Variants in ATP2B2 observed in about 807,000 individuals in gnomAD.
ATP2B2 encodes the protein ATPase plasma membrane Ca2+ transporting 2.
A neutral mutation model predicts 120.0 loss-of-function variants in ATP2B2; 15 were observed. The ratio of observed to expected loss-of-function variants is 0.12; its 90% CI spans 0.08 to 0.19. ATP2B2 has a LOEUF of 0.19. Ranked by LOEUF, ATP2B2 falls within the 10% of genes least tolerant of loss-of-function variation. The pLI is 1.00. For synonymous variants in ATP2B2, 694 were observed against 700.3 expected (o/e 0.99, Z 0.14); for missense variants, 1,045 against 1,719.8 (o/e 0.61, Z 6.94).
chr3:10,639,786 G>A (rs2070121511), intron 1 of ATP2B2, among the ~76,000 whole-genome samples: 1 of 152,194 alleles, frequency 6.6e-6, no homozygotes, highest in African/African-American at 2.4e-5. Flanking sequence ...AAGGGGGTGA[G>A]GAAGAAATGC....
intron 2 of ATP2B2, among the ~76,000 whole-genome samples, chr3:10,586,314 C>T (rs908223095): frequency 1.3e-5 from 2 of 152,124 alleles, no homozygotes; most frequent in Non-Finnish European, 2.9e-5. Flanking sequence ...GGAAGGGGAC[C>T]CTGCCAGCAC....
At chr3:10,507,510 G>A (rs1307537704), upstream of ATP2B2, among the ~76,000 whole-genome samples, 1 of 152,172 alleles carries the variant, frequency 6.6e-6, no homozygotes, top group African/African-American at 2.4e-5. Context: ...ATGTTGGAGC[G>A]AGGGTGGGCA....
At chr3:10,332,007 C>CTGAA in intron 22 of ATP2B2, 2 of 1,550,494 alleles carry the variant, frequency 1.3e-6, no homozygotes, top group Non-Finnish European at 1.7e-6. Flanking sequence ...CTCTCTCTTG[C>CTGAA]TGAACTCTGT....
At position 10,616,982 on chromosome 3, in the gene ATP2B2, A is replaced by G. The variant is rs543513552; in HGVS notation, c.-415+2935T>C. Reference sequence around the variant, plus strand: ...CTTTTCACTTAATACTGAAATGTGAACATTTTCTCCTCCATTATTAAAAAT... The same window carrying G: ...CTTTTCACTTAATACTGAAATGTGAGCATTTTCTCCTCCATTATTAAAAAT... On this transcript the variant is annotated intron_variant, in intron 2 of 21. Transcript: ENST00000646379. Among the ~76,000 whole-genome samples, 11 of 152,322 alleles carry G rather than the reference A, an allele frequency of 7.2e-5. No individual in the cohort carries two copies. In the South Asian group the frequency reaches 2.1e-3, roughly 29 times the overall value.
intron 1 of ATP2B2, among the ~76,000 whole-genome samples, chr3:10,650,613 C>T (rs761772045): frequency 6.6e-6 from 1 of 152,212 alleles, no homozygotes; most frequent in Non-Finnish European, 1.5e-5. Flanking sequence ...ATCTCCAGGA[C>T]ATGTTGGAGG....
At chr3:10,690,278 G>A (rs1251945524) in intron 1 of ATP2B2, among the ~76,000 whole-genome samples, 1 of 152,142 alleles carries the variant, frequency 6.6e-6, no homozygotes, top group Admixed American at 6.5e-5. Flanking sequence ...TCCACTGCGC[G>A]GGCAGCCATT....
intron 2 of ATP2B2, among the ~76,000 whole-genome samples, chr3:10,537,196 T>C (rs183368914): frequency 6.6e-6 from 1 of 152,360 alleles, no homozygotes; most frequent in Non-Finnish European, 1.5e-5. Context: ...AAAATTGTTT[T>C]AGATATTCTA....
intron 12 of ATP2B2, among the ~76,000 whole-genome samples, chr3:10,364,629 C>G (rs970080898): frequency 1.3e-5 from 2 of 151,942 alleles, no homozygotes; most frequent in African/African-American, 2.4e-5. Context: ...GAGAATCACA[C>G]AAACCCGGGA....
chr3:10,606,865 T>TAATGAC (rs1575549588), intron 2 of ATP2B2, among the ~76,000 whole-genome samples: 2 of 140,878 alleles, frequency 1.4e-5, no homozygotes, highest in East Asian at 4.3e-4. Context: ...AACGTAAGTG[T>TAATGAC]AATGACGGAG....
At chr3:10,468,991 G>A (rs1464755376) in intron 1 of ATP2B2, among the ~76,000 whole-genome samples, 1 of 152,248 alleles carries the variant, frequency 6.6e-6, no homozygotes, top group Non-Finnish European at 1.5e-5. Flanking sequence ...CAAAGCTAAC[G>A]TCTCCACACG....
At chr3:10,551,018 G>C (rs1450979727) in intron 2 of ATP2B2, among the ~76,000 whole-genome samples, 1 of 152,180 alleles carries the variant, frequency 6.6e-6, no homozygotes, top group Non-Finnish European at 1.5e-5. Context: ...AGACAGCACT[G>C]AGGCAGGTGG....
At chr3:10,530,878 G>C (rs1416533233) in intron 3 of ATP2B2, among the ~76,000 whole-genome samples, 5 of 152,190 alleles carry the variant, frequency 3.3e-5, no homozygotes, top group African/African-American at 1.2e-4. Context: ...TTATTTATAA[G>C]GAAAGATGCC....
intron 2 of ATP2B2, among the ~76,000 whole-genome samples, chr3:10,415,009 C>T (rs1219154897): frequency 6.6e-6 from 1 of 152,114 alleles, no homozygotes; most frequent in African/African-American, 2.4e-5. Flanking sequence ...TGGAGGTGGT[C>T]ATGACGTCTC....
chr3:10,373,788 G>T (rs1485504869), intron 11 of ATP2B2, among the ~76,000 whole-genome samples: 1 of 152,088 alleles, frequency 6.6e-6, no homozygotes, highest in Non-Finnish European at 1.5e-5. Context: ...TGCCCAAGCT[G>T]ATCTTGAACT....
Position 10,379,477 on chromosome 3 carries a change from G to A in ATP2B2, c.1001-193C>T, listed in dbSNP as rs367553433. ...CAGGCCTGGCCGCACCTTAGCTGTGGGGCCTGCCAGCCGGGCAACTCTTGA... is the reference window on the plus strand; with the variant it reads ...CAGGCCTGGCCGCACCTTAGCTGTGAGGCCTGCCAGCCGGGCAACTCTTGA... On this transcript the variant is annotated intron_variant, in intron 8 of 22. Transcript: ENST00000360273. Among the ~76,000 whole-genome samples the A allele has an allele frequency of 1.1e-4, 17 of 152,308 alleles. No individual in the cohort carries two copies. In the East Asian group the frequency reaches 3.3e-3, roughly 29 times the overall value.
chr3:10,427,248 A>G (rs1407396881), intron 2 of ATP2B2, among the ~76,000 whole-genome samples: 1 of 152,244 alleles, frequency 6.6e-6, no homozygotes, highest in Admixed American at 6.5e-5. Context: ...AGCAAGTCTA[A>G]GACCAAACTA....
At chr3:10,602,961 T>C (rs2068963058) in intron 2 of ATP2B2, among the ~76,000 whole-genome samples, 1 of 152,230 alleles carries the variant, frequency 6.6e-6, no homozygotes, top group African/African-American at 2.4e-5. Flanking sequence ...TCTTAACTTC[T>C]CAGCACCCTC....
chr3:10,679,319 T>C (rs1334409813), intron 1 of ATP2B2, among the ~76,000 whole-genome samples: 1 of 152,216 alleles, frequency 6.6e-6, no homozygotes, highest in African/African-American at 2.4e-5. Context: ...ATCACAGGAA[T>C]GTTTATGAGA....
At chr3:10,351,343 C>G (rs943026099) in intron 14 of ATP2B2, among the ~76,000 whole-genome samples, 1 of 150,602 alleles carries the variant, frequency 6.6e-6, no homozygotes, top group Non-Finnish European at 1.5e-5. Context: ...CAACAGAAAT[C>G]AATGGAACGA....
Sources: gnomAD v4.1 joint callset for allele counts (sites outside exome capture counted in the v4.1 genomes callset) on GRCh38, gnomAD v4.1.1 for gene constraint, MANE v1.5 for transcripts, NCBI Gene and HGNC (gene_info 2026-07-23, HGNC 2026-07-21) for gene names.